ADAMTSL1: variants seen among roughly 807,000 people sequenced by gnomAD.
ADAMTSL1 encodes ADAMTS-like protein 1.
ADAMTSL1 carries 126 observed loss-of-function variants against 201.8 expected under a neutral mutation model. The ratio of observed to expected loss-of-function variants is 0.62; its 90% CI spans 0.54 to 0.72. The LOEUF is 0.72. Ranked by LOEUF, ADAMTSL1 falls within the 30% of genes least tolerant of loss-of-function variation. ADAMTSL1 has a pLI of 0.00. For synonymous variants in ADAMTSL1, 1,121 were observed against 903.4 expected, an observed-to-expected ratio of 1.24 and a Z score of -4.32; for missense variants, 2,679 against 2,277.8, an observed-to-expected ratio of 1.18 and a Z score of -3.59.
intron 2 of ADAMTSL1, among the ~76,000 whole-genome samples, chr9:18,526,290 C>T (rs540831811): frequency 9.9e-5 from 15 of 152,226 alleles, no homozygotes; most frequent in South Asian, 2.1e-4. Context: ...CCATTTGCCG[C>T]GTAGATCTTC....
intron 2 of ADAMTSL1, among the ~76,000 whole-genome samples, chr9:18,182,660 CATTT>C (rs1828550084): frequency 6.6e-6 from 1 of 152,158 alleles, no homozygotes; most frequent in African/African-American, 2.4e-5. Context: ...CAGCAGCACA[CATTT>C]ATTATTTATC....
chr9:18,741,671 TCCTTCTAAAACTTGTAGGAGTAGGGG>T (rs1818835893), intron 15 of ADAMTSL1, among the ~76,000 whole-genome samples: 1 of 152,220 alleles, frequency 6.6e-6, no homozygotes, highest in Non-Finnish European at 1.5e-5. Flanking sequence ...AGGGCCATGC[TCCTTCTAAAACTTGTAGGAGTAGGGG>T]CCTTCCTTGC....
At chr9:18,085,445 T>A (rs1307634530) in intron 1 of ADAMTSL1, among the ~76,000 whole-genome samples, 1 of 139,486 alleles carries the variant, frequency 7.2e-6, no homozygotes, top group Non-Finnish European at 1.6e-5. Flanking sequence ...TAGTATATAT[T>A]GTGTACCATA....
At chr9:18,136,159 G>T (rs1408510424) in intron 1 of ADAMTSL1, among the ~76,000 whole-genome samples, 1 of 152,266 alleles carries the variant, frequency 6.6e-6, no homozygotes, top group Admixed American at 6.5e-5. Flanking sequence ...TTGCATAGTG[G>T]TTCCCAAACC....
chr9:18,893,123 C>T (rs954447002), intron 26 of ADAMTSL1, among the ~76,000 whole-genome samples: 1 of 151,992 alleles, frequency 6.6e-6, no homozygotes, highest in Non-Finnish European at 1.5e-5. Context: ...TTTCCAGTGA[C>T]ATAATGTATA....
chr9:18,306,752 C>T (rs909547871), intron 2 of ADAMTSL1, among the ~76,000 whole-genome samples: 3 of 152,110 alleles, frequency 2.0e-5, no homozygotes, highest in African/African-American at 2.4e-5. Flanking sequence ...AGAATGGAAC[C>T]AAGTTGGAAA....
In ADAMTSL1 at chr9:18,159,157, T is replaced by C. The variant is rs368913288; in HGVS notation, c.88-4705T>C. 1.4e-4 allele frequency among the ~76,000 whole-genome samples: 21 copies of C among 152,196 alleles called. No homozygotes were observed. The East Asian group carries it at 3.7e-3, about 27-fold the overall frequency. On this transcript the variant is annotated intron_variant, in intron 1 of 29. Transcript: ENST00000680146. ...TGTTTGCATTATTATTCTGATCTAC[T>C]GAGAATGTATAGCTTTACTATCTTA... is the stretch of plus-strand genomic sequence containing the variant.
At chr9:18,699,799 C>T (rs1348051124) in intron 13 of ADAMTSL1, among the ~76,000 whole-genome samples, 3 of 152,086 alleles carry the variant, frequency 2.0e-5, no homozygotes, top group African/African-American at 7.2e-5. Flanking sequence ...TGATTATTCT[C>T]CTGGGGCACC....
chr9:18,105,188 A>T (rs760963550), intron 1 of ADAMTSL1, among the ~76,000 whole-genome samples: 4 of 152,164 alleles, frequency 2.6e-5, no homozygotes, highest in Non-Finnish European at 5.9e-5. Flanking sequence ...AAAACAAGCG[A>T]ACTGGAATAT....
chr9:18,512,083 A>G (rs1265502920), intron 2 of ADAMTSL1, among the ~76,000 whole-genome samples: 3 of 152,208 alleles, frequency 2.0e-5, no homozygotes, highest in Non-Finnish European at 2.9e-5. Flanking sequence ...TGTCATTTGT[A>G]TGAGATAGTC....
intron 20 of ADAMTSL1, among the ~76,000 whole-genome samples, chr9:18,812,999 C>A (rs1823603552): frequency 7.1e-6 from 1 of 140,980 alleles, no homozygotes; most frequent in African/African-American, 2.7e-5. Flanking sequence ...GATGGAGTCT[C>A]ACTCTGTCAC....
At chr9:18,070,636 G>A (rs913414677) in intron 1 of ADAMTSL1, among the ~76,000 whole-genome samples, 3 of 151,982 alleles carry the variant, frequency 2.0e-5, no homozygotes, top group East Asian at 1.9e-4. Flanking sequence ...AGCTGTGAGG[G>A]AGAATCTGAA....
chr9:17,913,747 C>A (rs527862428), intron 1 of ADAMTSL1, among the ~76,000 whole-genome samples: 2 of 151,900 alleles, frequency 1.3e-5, no homozygotes, highest in Non-Finnish European at 2.9e-5. Flanking sequence ...GTTTTTTGAA[C>A]GGATCAACAA....
chr9:18,015,788 T>G (rs937512199), intron 1 of ADAMTSL1, among the ~76,000 whole-genome samples: 2 of 151,986 alleles, frequency 1.3e-5, no homozygotes, highest in African/African-American at 4.8e-5. Context: ...AAAATATGCC[T>G]GGATCCCTCC....
intron 1 of ADAMTSL1, among the ~76,000 whole-genome samples, chr9:18,106,854 G>C (rs576027765): frequency 2.0e-5 from 3 of 152,108 alleles, no homozygotes; most frequent in African/African-American, 7.2e-5. Context: ...GATAAGAATG[G>C]GCCTGAGTGT....
intron 5 of ADAMTSL1, among the ~76,000 whole-genome samples, chr9:18,626,953 TTTC>T (rs971855053): frequency 2.6e-5 from 4 of 151,018 alleles, no homozygotes; most frequent in African/African-American, 9.7e-5. Context: ...CTTTCTTTCT[TTTC>T]TTTTCTTTTT....
intron 1 of ADAMTSL1, among the ~76,000 whole-genome samples, chr9:18,139,234 G>T (rs1826291591): frequency 1.3e-5 from 2 of 152,092 alleles, no homozygotes; most frequent in Admixed American, 6.6e-5. Context: ...TATTCATGAG[G>T]CATATGTTGT....
rs1211639274 is a variant in ADAMTSL1 at position 18,538,700 on chromosome 9, T to C, written c.237+5408T>C. Reference sequence around the variant, plus strand: ...CTTGACTGGTGATTCTCGTTGAGGTTGTGAAAATTCATGGCATTCACAGAG... The same window carrying C: ...CTTGACTGGTGATTCTCGTTGAGGTCGTGAAAATTCATGGCATTCACAGAG... On this transcript the variant is annotated intron_variant, in intron 3 of 28. Transcript: ENST00000380548. Among the ~76,000 whole-genome samples, 8 of 152,202 alleles carry C rather than the reference T, an allele frequency of 5.3e-5. No homozygotes were observed. In the South Asian group the frequency reaches 1.2e-3, roughly 24 times the overall value.
chr9:18,232,491 G>C (rs1401075832), intron 2 of ADAMTSL1, among the ~76,000 whole-genome samples: 1 of 152,116 alleles, frequency 6.6e-6, no homozygotes, highest in South Asian at 2.1e-4. Flanking sequence ...TATTCCACAA[G>C]GATGTCATGT....
Sources: gnomAD v4.1 joint callset for allele counts (sites outside exome capture counted in the v4.1 genomes callset) on GRCh38, gnomAD v4.1.1 for gene constraint, MANE v1.5 for transcripts, NCBI Gene and HGNC (gene_info 2026-07-23, HGNC 2026-07-21) for gene names.